Variants in BCAS3 observed in about 807,000 individuals in gnomAD.
BCAS3 encodes BCAS4/BCAS3 fusion.
Under a neutral mutation model 116.1 loss-of-function variants are expected in BCAS3, and 53 were observed. That is an observed-to-expected ratio of 0.46 (90% confidence interval 0.37 to 0.57). The LOEUF (loss-of-function observed/expected upper bound fraction) is 0.57. Ranked by LOEUF, BCAS3 falls within the 20% of genes least tolerant of loss-of-function variation. The probability of loss-of-function intolerance (pLI) is 0.00; values close to 1 mark genes in which losing one functional copy is unlikely to be tolerated. For missense variants in BCAS3, 917 were observed against 1,165.4 expected (o/e 0.79, Z 3.10); for synonymous variants, 391 against 408.2 (o/e 0.96, Z 0.51).
intron 6 of BCAS3, among the ~76,000 whole-genome samples, chr17:60,799,091 T>C (rs1196686119): frequency 2.0e-5 from 3 of 152,234 alleles, no homozygotes; most frequent in Non-Finnish European, 4.4e-5. Context: ...AAATGTTTTC[T>C]AGTCTGTAGC....
At chr17:61,067,733 A>C (rs1442235058) in intron 19 of BCAS3, among the ~76,000 whole-genome samples, 118 of 146,932 alleles carry the variant, frequency 8.0e-4, no homozygotes, top group African/African-American at 2.8e-3. Flanking sequence ...AAACAAAAAA[A>C]AAAAAAAATA....
Position 61,219,919 on chromosome 17 carries a change from G to C in BCAS3, c.2425+135355G>C, listed in dbSNP as rs181195734. Among the ~76,000 whole-genome samples, 1 of 152,168 alleles carries C rather than the reference G, an allele frequency of 6.6e-6. No homozygotes were observed. The highest frequency in any genetic ancestry group is 1.5e-5 in the Non-Finnish European group (1 of 68,032). On this transcript the variant is annotated intron_variant, in intron 22 of 23. Transcript: ENST00000407086. This position sits in a 1 kb window ranked among gnomAD's most constrained non-coding sequence, Gnocchi z 5.2. ...CAAGGCAGGTTATGGGGGGAGAGGA[G>C]TAGGGCAAGAAAGAGGGTCTAACCA...
rs34966522 is a variant in BCAS3 at position 61,077,137 on chromosome 17, TA to T, written c.2131-1181del. On this transcript the variant is annotated intron_variant, in intron 20 of 23. Transcript: ENST00000407086. This position sits in a 1 kb window ranked among gnomAD's most constrained non-coding sequence, Gnocchi z 4.3. The stretch of plus-strand genomic sequence containing the variant: ...GTCTCTCATTCGAGTTGATTATTTG[TA>T]AAAAAAAAAAAAAATCATGTAATAT... Among the ~76,000 whole-genome samples, 6,717 of 144,172 alleles carry T rather than the reference TA, an allele frequency of 0.047. 392 individuals carry two copies. Among genetic ancestry groups the T allele is most frequent in the African/African-American group, 0.14 (5,678 of 40,016 alleles). The allele number at this position is 144,172 out of a possible 152,430, so 94.6% of individuals were successfully genotyped here. A position where few individuals can be genotyped will look rare whatever the true frequency, so the allele number is the denominator to read the frequency against.
chr17:60,925,217 T>C (rs1035063118), intron 13 of BCAS3, among the ~76,000 whole-genome samples: 31 of 152,146 alleles, frequency 2.0e-4, no homozygotes, highest in African/African-American at 7.2e-4. Flanking sequence ...ATTTTTTTCA[T>C]TATGATAATG....
intron 6 of BCAS3, among the ~76,000 whole-genome samples, chr17:60,781,247 G>A (rs1285475790): frequency 1.3e-5 from 2 of 151,888 alleles, no homozygotes; most frequent in Non-Finnish European, 2.9e-5. Flanking sequence ...TGGGATTACA[G>A]GTGTGAGCCG....
rs60456812 is a variant in BCAS3 at position 61,192,246 on chromosome 17, C to CA, written c.2425+107698dup. 5.7e-4 allele frequency among the ~76,000 whole-genome samples: 40 copies of CA among 70,688 alleles called. 2 individuals are homozygous for CA. The highest frequency in any genetic ancestry group is 1.7e-3 in the East Asian group (3 of 1,784). The allele number at this position is 70,688 out of a possible 152,430, so 46.4% of individuals were successfully genotyped here. On this transcript the variant is annotated intron_variant, in intron 22 of 23. Coordinates refer to ENST00000407086, the MANE Select transcript of BCAS3 (RefSeq NM_017679.5). ...GGGCGACAGAGCAAGGCTCTGTTAC[C>CA]AAAAAAAAAAAAAAAAGAAACATAG...
At chr17:60,841,645 G>T (rs1374506555) in intron 7 of BCAS3, among the ~76,000 whole-genome samples, 1 of 150,922 alleles carries the variant, frequency 6.6e-6, no homozygotes, top group African/African-American at 2.5e-5. Flanking sequence ...CTCCCAAAGT[G>T]CTGGGATTAC....
At chr17:60,762,556 A>G (rs1296101669) in intron 6 of BCAS3, among the ~76,000 whole-genome samples, 1 of 152,088 alleles carries the variant, frequency 6.6e-6, no homozygotes, top group Non-Finnish European at 1.5e-5. Flanking sequence ...CCTTTGGTCT[A>G]TATCTCTGTT....
At chr17:60,880,498 C>T (rs2056020400) in intron 9 of BCAS3, among the ~76,000 whole-genome samples, 1 of 152,182 alleles carries the variant, frequency 6.6e-6, no homozygotes, top group South Asian at 2.1e-4. Flanking sequence ...CCATGTGGGC[C>T]AGGATGGTCT....
intron 22 of BCAS3, among the ~76,000 whole-genome samples, chr17:61,264,660 G>A (rs191905070): frequency 6.0e-4 from 91 of 152,190 alleles, no homozygotes; most frequent in African/African-American, 2.1e-3. Context: ...CACCCACCTC[G>A]GCCTCCCGAA....
At chr17:60,851,020 T>G (rs538704745) in intron 7 of BCAS3, among the ~76,000 whole-genome samples, 2 of 152,296 alleles carry the variant, frequency 1.3e-5, no homozygotes, top group Admixed American at 6.5e-5. Flanking sequence ...TAGGTGACCT[T>G]GAGTTTTGGC....
In BCAS3 at chr17:61,367,885, A is replaced by G. The variant is rs986944501; in HGVS notation, c.2426-442A>G. The stretch of plus-strand genomic sequence containing the variant: ...GGTCTCAAAGTCCTGGCCTCAAGCA[A>G]TCTTCCCGCGTTGGCCTCTCAAAGT... On this transcript the variant is annotated intron_variant, in intron 22 of 23. Coordinates refer to ENST00000407086, the MANE Select transcript of BCAS3 (RefSeq NM_017679.5). The surrounding 1 kb of genome is among the most constrained non-coding windows in gnomAD (Gnocchi z 6.2). 20 of 153,014 alleles carry G rather than the reference A, an allele frequency of 1.3e-4. No homozygotes were observed. Among genetic ancestry groups the G allele is most frequent in the African/African-American group, 4.3e-4 (18 of 41,608 alleles). 9.5% of individuals were successfully genotyped at this position (153,014 alleles called of 1,614,324 possible).
intron 22 of BCAS3, among the ~76,000 whole-genome samples, chr17:61,247,564 C>G (rs1399993726): frequency 6.6e-6 from 1 of 152,124 alleles, no homozygotes; most frequent in African/African-American, 2.4e-5. Flanking sequence ...ATGAAATTCT[C>G]CAAAGTAATT....
intron 22 of BCAS3, among the ~76,000 whole-genome samples, chr17:61,335,898 G>A (rs1424047901): frequency 6.6e-6 from 1 of 152,262 alleles, no homozygotes; most frequent in Non-Finnish European, 1.5e-5. Flanking sequence ...GGGCACCTGA[G>A]AGGGTACCGC....
chr17:60,928,896 A>G lies in BCAS3; in HGVS notation c.1087+4396A>G, dbSNP rs144933263. ...CTCTTCTAACCCTTCTGATTGGTGT[A>G]CATACATATACACACACATACATAG... On this transcript the variant is annotated intron_variant, in intron 13 of 23. Transcript: ENST00000407086. Among the ~76,000 whole-genome samples, 7 of 152,308 alleles carry G rather than the reference A, an allele frequency of 4.6e-5. No individual in the cohort carries two copies. The South Asian group carries it at 6.2e-4, about 14-fold the overall frequency.
rs535784956 is a variant in BCAS3, at chr17:60,782,998, T to C, written c.404-25006T>C. 2.0e-5 allele frequency among the ~76,000 whole-genome samples: 3 copies of C among 152,268 alleles called. No homozygotes were observed. The East Asian group carries it at 5.8e-4, about 29-fold the overall frequency. On this transcript the variant is annotated intron_variant, in intron 6 of 23. Coordinates refer to ENST00000407086, the MANE Select transcript of BCAS3 (RefSeq NM_017679.5). ...ATTTGTGTACATAAATATAGGTCTTTCTAGGGACTGGAAGGGATGAATAGC... is the reference window on the plus strand; with the variant it reads ...ATTTGTGTACATAAATATAGGTCTTCCTAGGGACTGGAAGGGATGAATAGC...
chr17:61,264,801 A>G, intron 22 of BCAS3, among the ~76,000 whole-genome samples: 1 of 152,234 alleles, frequency 6.6e-6, no homozygotes, highest in East Asian at 1.9e-4. Context: ...AGGAGACATG[A>G]GAATGGGAAA....
chr17:60,880,784 C>A (rs1055823196), intron 9 of BCAS3, among the ~76,000 whole-genome samples: 2 of 152,066 alleles, frequency 1.3e-5, no homozygotes, highest in South Asian at 4.2e-4. Flanking sequence ...TGACACTGAC[C>A]ATTTTTAATG....
rs1024463929 is a variant in BCAS3, at chr17:61,241,438, G to T, written c.2426-126889G>T. On this transcript the variant is annotated intron_variant, in intron 22 of 23. Coordinates refer to ENST00000407086, the MANE Select transcript of BCAS3 (RefSeq NM_017679.5). The surrounding 1 kb of genome is among the most constrained non-coding windows in gnomAD (Gnocchi z 4.6). ...TAATAAAATAATAGTTTGGGCCTGC[G>T]CAGTGGCTCACCCCTGTAATCCCAA... Among the ~76,000 whole-genome samples, 1 of 152,100 alleles carries T rather than the reference G, an allele frequency of 6.6e-6. No individual in the cohort carries two copies. Among genetic ancestry groups the T allele is most frequent in the South Asian group, 2.1e-4 (1 of 4,820 alleles).
Sources: gnomAD v4.1 joint callset for allele counts (sites outside exome capture counted in the v4.1 genomes callset) on GRCh38, gnomAD v4.1.1 for gene constraint, Gnocchi (gnomAD v3.1) non-coding constraint, MANE v1.5 for transcripts, NCBI Gene and HGNC (gene_info 2026-07-23, HGNC 2026-07-21) for gene names.